PCDH9: variants seen among roughly 807,000 people sequenced by gnomAD.
PCDH9 encodes the protein protocadherin-9.
Under a neutral mutation model 70.6 loss-of-function variants are expected in PCDH9, and 24 were observed. That is an observed-to-expected ratio of 0.34 (90% CI 0.25 to 0.48). The LOEUF is 0.48. Among genes scored for constraint, PCDH9 ranks in the 20% least tolerant of loss-of-function variants. PCDH9 has a pLI of 0.99. For missense variants in PCDH9, 1,281 were observed against 1,503.6 expected, an observed-to-expected ratio of 0.85 and a Z score of 2.45; for synonymous variants, 562 against 558.5, an observed-to-expected ratio of 1.01 and a Z score of -0.09.
rs560046112 is a variant in PCDH9 at position 66,689,336 on chromosome 13, A to G, written c.3139-57925T>C. 6.6e-4 allele frequency among the ~76,000 whole-genome samples: 101 copies of G among 152,252 alleles called. 1 individual carries two copies. The highest frequency in any genetic ancestry group is 2.4e-3 in the African/African-American group (98 of 41,562). On this transcript the variant is annotated intron_variant, in intron 3 of 4. Transcript: ENST00000377865. ...CTTTAATGTGGAATCACTGCTGACAATACTACTGCTAGCAGCCCATATTAT... is the reference window on the plus strand; with the variant it reads ...CTTTAATGTGGAATCACTGCTGACAGTACTACTGCTAGCAGCCCATATTAT...
chr13:66,895,179 A>G (rs2082157246), intron 3 of PCDH9, among the ~76,000 whole-genome samples: 1 of 152,182 alleles, frequency 6.6e-6, no homozygotes, highest in Admixed American at 6.6e-5. Flanking sequence ...ATTTTATAAT[A>G]CGAACTGTTT....
intron 3 of PCDH9, among the ~76,000 whole-genome samples, chr13:66,899,215 C>G (rs781170072): frequency 6.6e-6 from 1 of 151,910 alleles, no homozygotes; most frequent in Non-Finnish European, 1.5e-5. Context: ...AAAATATGTT[C>G]CTTATCAAAA....
At position 66,829,717 on chromosome 13, in the gene PCDH9, C is replaced by CAAAAAAAAAAAAAAAA. The variant is rs562176354; in HGVS notation, c.3138+73771_3138+73786dup. Among the ~76,000 whole-genome samples the CAAAAAAAAAAAAAAAA allele has an allele frequency of 1.7e-3, 88 of 53,112 alleles. 18 individuals carry two copies. Among genetic ancestry groups the CAAAAAAAAAAAAAAAA allele is most frequent in the East Asian group, 3.5e-3 (4 of 1,158 alleles). The allele number at this position is 53,112 out of a possible 152,430, so 34.8% of individuals were successfully genotyped here. A position where few individuals can be genotyped will look rare whatever the true frequency, so the allele number is the denominator to read the frequency against. ...TGGGCGACAGAGCGAGACTCCGTCT[C>CAAAAAAAAAAAAAAAA]AAAAAAAAAAAAAAAAAAAAAAAAA... On this transcript the variant is annotated intron_variant, in intron 3 of 4. Coordinates refer to ENST00000377865, the MANE Select transcript of PCDH9 (RefSeq NM_203487.3).
rs762624394 is a variant in PCDH9 at position 66,304,622 on chromosome 13, A to G, written c.*33T>C. 4 of 1,576,166 alleles carry G rather than the reference A, an allele frequency of 2.5e-6. No individual in the cohort carries two copies. Among genetic ancestry groups the G allele is most frequent in the African/African-American group, 1.3e-5 (1 of 74,116 alleles). ...TGACGCACACGGTATTAGCATGTCT[A>G]TTTAAAGTTATTAGGTCCCATATAG... is the stretch of plus-strand genomic sequence containing the variant. On this transcript the variant is annotated 3_prime_UTR_variant, in exon 5 of 5. Coordinates refer to ENST00000377865, the MANE Select transcript of PCDH9 (RefSeq NM_203487.3).
chr13:66,305,107 T>C, intron 4 of PCDH9, 79 bp from the exon 5 acceptor site: 1 of 1,206,860 alleles, frequency 8.3e-7, no homozygotes, highest in Non-Finnish European at 1.1e-6. Flanking sequence ...AGAAAAAGTA[T>C]GTTATTAGTG....
intron 2 of PCDH9, among the ~76,000 whole-genome samples, chr13:67,131,201 T>G (rs2087104613): frequency 6.6e-6 from 1 of 152,168 alleles, no homozygotes; most frequent in Non-Finnish European, 1.5e-5. Context: ...GACTCCTATT[T>G]TAAACTATAA....
chr13:66,595,304 A>T (rs917794534), intron 4 of PCDH9, among the ~76,000 whole-genome samples: 1 of 151,766 alleles, frequency 6.6e-6, no homozygotes, highest in Non-Finnish European at 1.5e-5. Context: ...TAGTGTGTTT[A>T]TCTTCTGGAC....
rs534256739 is a variant in PCDH9 at position 66,371,770 on chromosome 13, C to T, written c.3341-66742G>A. Among the ~76,000 whole-genome samples the T allele has an allele frequency of 3.9e-5, 6 of 152,124 alleles. No homozygotes were observed. In the South Asian group the frequency reaches 1.2e-3, roughly 32 times the overall value. On this transcript the variant is annotated intron_variant, in intron 4 of 4. Transcript: ENST00000377865. The stretch of plus-strand genomic sequence containing the variant: ...AGGATACTAAACGCCGAATGAAACA[C>T]TACTTTTGATAATAAGAAAAATCCT...
intron 2 of PCDH9, among the ~76,000 whole-genome samples, chr13:67,073,593 G>T (rs946293508): frequency 6.6e-5 from 10 of 151,652 alleles, no homozygotes; most frequent in Non-Finnish European, 1.2e-4. Context: ...GCAATAAAAC[G>T]TATTTTCTAA....
At chr13:66,776,603 T>C (rs988292354) in intron 3 of PCDH9, among the ~76,000 whole-genome samples, 1 of 152,040 alleles carries the variant, frequency 6.6e-6, no homozygotes, top group Non-Finnish European at 1.5e-5. Context: ...AGGAGAACTA[T>C]AAACCACTGC....
intron 2 of PCDH9, among the ~76,000 whole-genome samples, chr13:67,082,921 A>G (rs1235489158): frequency 6.6e-6 from 1 of 152,140 alleles, no homozygotes. Context: ...CTTTTCTGAC[A>G]TTGATTCTAT....
chr13:66,380,209 T>C (rs533433315), intron 4 of PCDH9, among the ~76,000 whole-genome samples: 1 of 152,254 alleles, frequency 6.6e-6, no homozygotes, highest in South Asian at 2.1e-4. Flanking sequence ...ATATATTGTG[T>C]TTTTTAAATA....
At chr13:67,134,589 T>G (rs2087185755) in intron 2 of PCDH9, among the ~76,000 whole-genome samples, 1 of 152,052 alleles carries the variant, frequency 6.6e-6, no homozygotes, top group South Asian at 2.1e-4. Context: ...AAAAGCTTGT[T>G]TTTCTTCCTT....
chr13:66,876,981 TTAAA>T (rs1200512188), intron 3 of PCDH9: 1 of 152,036 alleles, frequency 6.6e-6, no homozygotes, highest in Non-Finnish European at 1.5e-5. Context: ...ACTGAGTAGA[TTAAA>T]TACGACAATG....
intron 3 of PCDH9, among the ~76,000 whole-genome samples, chr13:66,737,925 GC>G (rs2079182196): frequency 6.6e-6 from 1 of 151,922 alleles, no homozygotes; most frequent in East Asian, 1.9e-4. Context: ...GGGGAGGGGC[GC>G]CCGCCATTGC....
rs1029718455 is a variant in PCDH9 at position 66,934,552 on chromosome 13, A to G, written c.3037-30947T>C. Among the ~76,000 whole-genome samples, 36 of 148,980 alleles carry G rather than the reference A, an allele frequency of 2.4e-4. 1 individual carries two copies. In the South Asian group the frequency reaches 5.3e-3, roughly 22 times the overall value. ...GTGAAACTCAGTCCCAAAAAAAAAAAAAAAAGAAAAAGAAAAATACAAAAA... is the reference window on the plus strand; with the variant it reads ...GTGAAACTCAGTCCCAAAAAAAAAAGAAAAAGAAAAAGAAAAATACAAAAA... On this transcript the variant is annotated intron_variant, in intron 2 of 4. Coordinates refer to ENST00000377865, the MANE Select transcript of PCDH9 (RefSeq NM_203487.3).
In PCDH9 at chr13:67,078,770, C is replaced by T. The variant is rs114484814; in HGVS notation, c.3036+146635G>A. Reference sequence around the variant, plus strand: ...TCTTTGTAAGGAAGAAACACAGCAGCTTGGAACTTCTAGAAGTTCAGCAGC... The same window carrying T: ...TCTTTGTAAGGAAGAAACACAGCAGTTTGGAACTTCTAGAAGTTCAGCAGC... On this transcript the variant is annotated intron_variant, in intron 2 of 4. Coordinates refer to ENST00000377865, the MANE Select transcript of PCDH9 (RefSeq NM_203487.3). Among the ~76,000 whole-genome samples, 6 of 152,150 alleles carry T rather than the reference C, an allele frequency of 3.9e-5. 1 individual carries two copies. Among genetic ancestry groups the T allele is most frequent in the Admixed American group, 3.9e-4 (6 of 15,276 alleles).
intron 3 of PCDH9, among the ~76,000 whole-genome samples, chr13:66,650,297 A>G (rs2077832451): frequency 6.6e-6 from 1 of 152,068 alleles, no homozygotes; most frequent in African/African-American, 2.4e-5. Flanking sequence ...AAGTCATTCT[A>G]TGCAAATGGA....
At chr13:67,194,127 TCTTA>T (rs2088993762) in intron 2 of PCDH9, among the ~76,000 whole-genome samples, 1 of 152,134 alleles carries the variant, frequency 6.6e-6, no homozygotes, top group Non-Finnish European at 1.5e-5. Context: ...ATCTTATCAG[TCTTA>T]CTTATCAAAT....
Sources: allele counts gnomAD v4.1 joint callset (sites outside exome capture counted in the v4.1 genomes callset), GRCh38; gene constraint gnomAD v4.1.1; transcripts MANE v1.5; gene names NCBI Gene and HGNC (gene_info 2026-07-23, HGNC 2026-07-21).